TMC2: variants seen among roughly 807,000 people sequenced by gnomAD.
TMC2 encodes the protein transmembrane channel-like protein 2.
In TMC2, 102 loss-of-function variants were observed where a neutral mutation model predicts 105.9. The observed-to-expected ratio is 0.96, with a 90% CI of 0.82 to 1.14. TMC2 has a LOEUF of 1.14. Ranked by LOEUF, TMC2 falls within the 50% of genes most tolerant of loss-of-function variation. The pLI, the probability that TMC2 is intolerant of heterozygous loss-of-function variation, is 0.00. For synonymous variants in TMC2, 402 were observed against 422.8 expected, an observed-to-expected ratio of 0.95 and a Z score of 0.60; for missense variants, 1,093 against 1,134.3, an observed-to-expected ratio of 0.96 and a Z score of 0.52.
rs765161437 is a variant in TMC2, at chr20:2,592,393, C to T, written c.918C>T (p.Val306=). ...AEEEKAMDFS[V]LWDFEGYIKY... ...AAGAAAAGGCCATGGATTTTTCTGT[C>T]CTTTGGGATTTTGAGGTACTATTGT... Residue 306 remains valine, a synonymous_variant, in exon 8 of 20, where the codon GTC becomes GTT. Coordinates refer to ENST00000358864, the MANE Select transcript of TMC2 (RefSeq NM_080751.3). This position sits in a 1 kb window ranked among gnomAD's most constrained non-coding sequence, Gnocchi z 4.9. 10 of 1,613,132 alleles carry T rather than the reference C, an allele frequency of 6.2e-6. No homozygotes were observed. The African/African-American group carries it at 1.3e-4, about 22-fold the overall frequency.
intron 12 of TMC2, 21 bp downstream of exon 12, chr20:2,610,619 C>G (rs373555647): frequency 6.9e-7 from 1 of 1,456,170 alleles, no homozygotes; most frequent in Non-Finnish European, 9.2e-7. Context: ...CAACACCCCC[C>G]ACCCCACTGC....
intron 9 of TMC2, among the ~76,000 whole-genome samples, chr20:2,596,275 G>A (rs1249576557): frequency 6.6e-6 from 1 of 152,200 alleles, no homozygotes; most frequent in Non-Finnish European, 1.5e-5. Context: ...ACTTGATTAA[G>A]AGAAGGATAT....
intron 17 of TMC2, among the ~76,000 whole-genome samples, chr20:2,632,458 T>TG: frequency 6.6e-6 from 1 of 152,326 alleles, no homozygotes; most frequent in South Asian, 2.1e-4. Context: ...ACATAACTGA[T>TG]TTAAAGTCTT....
Position 2,616,081 on chromosome 20 carries a change from C to T in TMC2, c.1873-56C>T. 2 of 1,496,896 alleles carry T rather than the reference C, an allele frequency of 1.3e-6. No individual in the cohort carries two copies. Among genetic ancestry groups the T allele is most frequent in the East Asian group, 2.3e-5 (1 of 43,616 alleles). The allele number at this position is 1,496,896 out of a possible 1,614,324, so 92.7% of individuals were successfully genotyped here. On this transcript the variant is annotated intron_variant, in intron 14 of 19. Transcript: ENST00000358864. The surrounding 1 kb of genome is among the most constrained non-coding windows in gnomAD (Gnocchi z 4.8). ...GTTGGTAGTAGGGTTTGGCTGAATT[C>T]ACCAAACGTGCTTTTTTTTTTCTCT... is the stretch of plus-strand genomic sequence containing the variant.
chr20:2,537,770 C>T (rs1479560688), intron 2 of TMC2, among the ~76,000 whole-genome samples: 2 of 152,090 alleles, frequency 1.3e-5, no homozygotes, highest in Non-Finnish European at 2.9e-5. Context: ...GGTGAGGGAG[C>T]CAACTTGCTC....
At position 2,616,065 on chromosome 20, in the gene TMC2, A is replaced by G. The variant is rs1365002954; in HGVS notation, c.1873-72A>G. The G allele has an allele frequency of 3.1e-6, 4 of 1,291,438 alleles. No homozygotes were observed. The East Asian group carries it at 9.5e-5, about 31-fold the overall frequency. The allele number at this position is 1,291,438 out of a possible 1,614,324, so 80.0% of individuals were successfully genotyped here. A position where few individuals can be genotyped will look rare whatever the true frequency, so the allele number is the denominator to read the frequency against. On this transcript the variant is annotated intron_variant, in intron 14 of 19. Coordinates refer to ENST00000358864, the MANE Select transcript of TMC2 (RefSeq NM_080751.3). The surrounding 1 kb of genome is among the most constrained non-coding windows in gnomAD (Gnocchi z 4.8). ...TTGGCTTGGCCAGTTGGTTGGTAGT[A>G]GGGTTTGGCTGAATTCACCAAACGT...
At chr20:2,602,690 T>A (rs1400108379) in intron 11 of TMC2, among the ~76,000 whole-genome samples, 1 of 152,260 alleles carries the variant, frequency 6.6e-6, no homozygotes, top group Non-Finnish European at 1.5e-5. Context: ...CAAACTGATA[T>A]ACTATGCATT....
At position 2,643,012 on chromosome 20, in the gene TMC2, C is replaced by T. The variant is rs2086698921; in HGVS notation, c.*1661C>T. ...TTAAAATAATTTCTAACTTCCCTCC[C>T]AAATCCCTTCCCTTCTCAATCCAGC... is the stretch of plus-strand genomic sequence containing the variant. On this transcript the variant is annotated 3_prime_UTR_variant, in exon 20 of 20. Coordinates refer to ENST00000358864, the MANE Select transcript of TMC2 (RefSeq NM_080751.3). Among the ~76,000 whole-genome samples, 2 of 152,130 alleles carry T rather than the reference C, an allele frequency of 1.3e-5. No homozygotes were observed. Among genetic ancestry groups the T allele is most frequent in the Non-Finnish European group, 2.9e-5 (2 of 68,030 alleles).
intron 3 of TMC2, among the ~76,000 whole-genome samples, chr20:2,560,573 C>T (rs60211998): frequency 0.013 from 2,008 of 152,118 alleles, 36 homozygotes; most frequent in African/African-American, 0.046. Context: ...CGTGGTGGCT[C>T]ACGCCTGTAA....
chr20:2,580,784 T>A (rs544833361), intron 7 of TMC2, among the ~76,000 whole-genome samples: 3 of 152,220 alleles, frequency 2.0e-5, no homozygotes, highest in Non-Finnish European at 2.9e-5. Context: ...AATAGATTCT[T>A]ATCTACAGAT....
At chr20:2,538,439 C>A (rs1320616920) in intron 2 of TMC2, among the ~76,000 whole-genome samples, 2 of 152,142 alleles carry the variant, frequency 1.3e-5, no homozygotes, top group Non-Finnish European at 2.9e-5. Flanking sequence ...GGTGGCCAGA[C>A]GAGAAACCTT....
At chr20:2,602,871 C>T (rs992991623) in intron 11 of TMC2, among the ~76,000 whole-genome samples, 1 of 152,212 alleles carries the variant, frequency 6.6e-6, no homozygotes, top group African/African-American at 2.4e-5. Context: ...GTATGCACAT[C>T]CCTTTGCTTT....
chr20:2,631,078 TCTAA>T (rs1210908936), intron 17 of TMC2, among the ~76,000 whole-genome samples: 2 of 152,232 alleles, frequency 1.3e-5, no homozygotes, highest in African/African-American at 2.4e-5. Context: ...ACGTCATTTC[TCTAA>T]CTATATTTTG....
At position 2,573,662 on chromosome 20, in the gene TMC2, G is replaced by A. The variant is rs547934814; in HGVS notation, c.645+1393G>A. Among the ~76,000 whole-genome samples the A allele has an allele frequency of 4.8e-5, 7 of 147,074 alleles. No homozygotes were observed. The South Asian group carries it at 8.6e-4, about 18-fold the overall frequency. On this transcript the variant is annotated intron_variant, in intron 5 of 19. Transcript: ENST00000358864. ...TGCGAGCTCTGCCTCCCGGGTTCAC[G>A]CCATTCTCCTGCCTCAGCCTCCCGA... is the stretch of plus-strand genomic sequence containing the variant.
chr20:2,597,420 C>A (rs914196204), intron 10 of TMC2, 122 bp downstream of exon 10: 3 of 1,016,952 alleles, frequency 2.9e-6, no homozygotes, highest in Admixed American at 2.6e-5. Context: ...AAGAGCCTTC[C>A]CAGAAATGTG....
Position 2,594,880 on chromosome 20 carries a change from T to C in TMC2, c.989T>C (p.Ile330Thr). 6.2e-7 allele frequency: 1 copy of C among 1,614,104 alleles called. No individual in the cohort carries two copies. The highest frequency in any genetic ancestry group is 8.5e-7 in the Non-Finnish European group (1 of 1,180,016). Reference sequence around the variant, plus strand: ...GGCTACTACAACAACCAGAGGACCATCGGGTGGCTGAGGTACCGGCTGCCT... The same window carrying C: ...GGCTACTACAACAACCAGAGGACCACCGGGTGGCTGAGGTACCGGCTGCCT... ...FYGYYNNQRTIGWLRYRLPMA... is the reference protein window; with the variant it reads ...FYGYYNNQRTTGWLRYRLPMA... The change falls in exon 9 of 20, where the codon ATC becomes ACC. Residue 330 changes from isoleucine to threonine, a missense_variant. By Grantham distance (89) the Ile-to-Thr change is moderately conservative. Transcript: ENST00000358864.
At chr20:2,560,726 A>G (rs2122831810) in intron 3 of TMC2, among the ~76,000 whole-genome samples, 1 of 151,468 alleles carries the variant, frequency 6.6e-6, no homozygotes, top group African/African-American at 2.4e-5. Context: ...AGTGCCAGCT[A>G]CTCCGGAGGC....
chr20:2,572,087 A>C, intron 4 of TMC2, 92 bp from the exon 5 acceptor site: 1 of 933,512 alleles, frequency 1.1e-6, no homozygotes. Context: ...CAAAGACATA[A>C]GCCTTCACAC....
chr20:2,597,000 T>A, intron 9 of TMC2, 151 bp from the exon 10 acceptor site: 1 of 749,606 alleles, frequency 1.3e-6, no homozygotes, highest in Non-Finnish European at 2.1e-6. Flanking sequence ...AAAGCTGTCT[T>A]GGCTCAAGTC....
Sources: allele counts gnomAD v4.1 joint callset (sites outside exome capture counted in the v4.1 genomes callset), GRCh38; gene constraint gnomAD v4.1.1; non-coding constraint Gnocchi (gnomAD v3.1); transcripts MANE v1.5; gene names NCBI Gene and HGNC (gene_info 2026-07-23, HGNC 2026-07-21).